ZC4H2: variants seen among roughly 807,000 people sequenced by gnomAD.
ZC4H2 encodes the protein zinc finger C4H2 domain-containing protein.
For missense variants in ZC4H2, 137 were observed against 173.9 expected, an observed-to-expected ratio of 0.79 and a Z score of 1.19; for synonymous variants, 84 against 66.3, an observed-to-expected ratio of 1.27 and a Z score of -1.30.
At chrX:65,003,832 G>C (rs762124533) in intron 1 of ZC4H2, among the ~76,000 whole-genome samples, 1 of 107,407 alleles carries the variant, frequency 9.3e-6, no homozygotes, top group Admixed American at 1.0e-4. Flanking sequence ...AACCAAGATC[G>C]CACCACTGCA....
chrX:65,007,318 A>G (rs953319030), intron 1 of ZC4H2, among the ~76,000 whole-genome samples: 2 of 111,761 alleles, frequency 1.8e-5, no homozygotes, highest in Non-Finnish European at 3.8e-5. Flanking sequence ...TGAAAAGCAG[A>G]TTGTCTCCCT....
chrX:64,921,992 C>T lies in ZC4H2; in HGVS notation c.54-4G>A, dbSNP rs758340526. The T allele has an allele frequency of 2.6e-5, 31 of 1,202,410 alleles. No homozygotes were observed. The South Asian group carries it at 4.7e-4, about 18-fold the overall frequency. The stretch of plus-strand genomic sequence containing the variant: ...CTCCATCTGCAGGGTCTTGTTCCTG[C>T]AATTTGCAAAAAGCAGGAAACAGGC... On this transcript the variant is annotated splice_region_variant and splice_polypyrimidine_tract_variant and intron_variant, in intron 1 of 4. Transcript: ENST00000374839.
At chrX:64,995,223 T>C (rs1932388733) in intron 1 of ZC4H2, among the ~76,000 whole-genome samples, 1 of 110,897 alleles carries the variant, frequency 9.0e-6, no homozygotes, top group South Asian at 3.9e-4. Flanking sequence ...ACTGTCAGAA[T>C]CAACTTCATC....
intron 1 of ZC4H2, among the ~76,000 whole-genome samples, chrX:64,962,361 C>A (rs1449465474): frequency 9.0e-6 from 1 of 111,086 alleles, no homozygotes; most frequent in African/African-American, 3.3e-5. Flanking sequence ...AATTCAACAC[C>A]CTTTCCTGAT....
chrX:64,997,427 T>A (rs764201422), intron 1 of ZC4H2, among the ~76,000 whole-genome samples: 11 of 112,123 alleles, frequency 9.8e-5, no homozygotes, highest in South Asian at 3.7e-4. Flanking sequence ...CTGGTAAAGG[T>A]AACCAAACAG....
chrX:64,942,135 C>G (rs1433394666), intron 1 of ZC4H2, among the ~76,000 whole-genome samples: 1 of 111,131 alleles, frequency 9.0e-6, no homozygotes, highest in East Asian at 2.8e-4. Flanking sequence ...GTGTTTGTGT[C>G]CAGAAATTTA....
intron 1 of ZC4H2, among the ~76,000 whole-genome samples, chrX:64,955,859 C>T (rs1591428): frequency 5.4e-5 from 6 of 111,850 alleles, no homozygotes; most frequent in Non-Finnish European, 7.5e-5. Flanking sequence ...AGACAAGAAG[C>T]TTTAACGGTA....
At chrX:64,982,169 C>A (rs1224577642) in intron 1 of ZC4H2, among the ~76,000 whole-genome samples, 1 of 111,783 alleles carries the variant, frequency 8.9e-6, no homozygotes, top group African/African-American at 3.3e-5. Context: ...TCCACACCCT[C>A]CCCTCTTCTT....
chrX:64,922,272 A>AT, intron 1 of ZC4H2: 1 of 290,252 alleles, frequency 3.4e-6, no homozygotes, highest in South Asian at 1.6e-4. Flanking sequence ...AAAAGAAAAA[A>AT]GAAAAAAAAA....
chrX:64,948,167 G>A (rs1408014899), intron 1 of ZC4H2, among the ~76,000 whole-genome samples: 1 of 111,049 alleles, frequency 9.0e-6, no homozygotes, highest in Non-Finnish European at 1.9e-5. Flanking sequence ...ATGGATTTGT[G>A]TTTTGAGCTC....
At chrX:64,922,071 T>C (rs1929222196) in intron 1 of ZC4H2, 83 bp from the exon 2 acceptor site, 4 of 1,146,334 alleles carry the variant, frequency 3.5e-6, no homozygotes, top group South Asian at 2.1e-5. Flanking sequence ...TTCTAAGCCA[T>C]CTTTACAAGC....
At chrX:64,938,138 C>A (rs1193498045) in intron 1 of ZC4H2, among the ~76,000 whole-genome samples, 3 of 112,100 alleles carry the variant, frequency 2.7e-5, no homozygotes, top group Non-Finnish European at 5.6e-5. Flanking sequence ...AAACTATCAT[C>A]AGAGAATACT....
At chrX:64,960,438 C>G (rs1405923160) in intron 1 of ZC4H2, among the ~76,000 whole-genome samples, 1 of 111,228 alleles carries the variant, frequency 9.0e-6, no homozygotes, top group Admixed American at 9.5e-5. Context: ...AAAATAACCA[C>G]CCAAAGGGGA....
At position 64,920,062 on chromosome X, in the gene ZC4H2, CT is replaced by C. The variant is rs1334217607; in HGVS notation, c.398+18del. Reference sequence around the variant, plus strand: ...TCGGAGGGAGGGTATGTTGTAGGGACTGGGGGCAGGTAGCTTACTCCAAGGA... The same window carrying C: ...TCGGAGGGAGGGTATGTTGTAGGGACGGGGGCAGGTAGCTTACTCCAAGGA... On this transcript the variant is annotated intron_variant, in intron 3 of 4. Transcript: ENST00000374839. 23 of 1,202,888 alleles carry C rather than the reference CT, an allele frequency of 1.9e-5. No homozygotes were observed. Among genetic ancestry groups the C allele is most frequent in the Non-Finnish European group, 2.6e-5 (23 of 892,243 alleles).
chrX:65,016,899 G>C lies in ZC4H2; in HGVS notation c.-272+17730C>G, dbSNP rs185617161. The stretch of plus-strand genomic sequence containing the variant: ...TTTGATGATCCCAGCAAAATGGAAG[G>C]AGGAGCAGCTGAGACCAAGGCTTTG... On this transcript the variant is annotated intron_variant, in intron 1 of 4. Transcript: ENST00000337990. 2.1e-4 allele frequency among the ~76,000 whole-genome samples: 23 copies of C among 111,984 alleles called. No homozygotes were observed. The Admixed American group carries it at 2.1e-3, about 10-fold the overall frequency.
intron 1 of ZC4H2, among the ~76,000 whole-genome samples, chrX:64,966,283 C>G (rs1025695098): frequency 2.7e-5 from 3 of 112,399 alleles, no homozygotes; most frequent in African/African-American, 6.5e-5. Flanking sequence ...GCTATAATGC[C>G]TTTTTGAGGC....
intron 3 of ZC4H2, 122 bp from the exon 4 acceptor site, chrX:64,919,326 C>G (rs953302881): frequency 5.3e-6 from 4 of 755,083 alleles, no homozygotes; most frequent in Non-Finnish European, 7.7e-6. Flanking sequence ...GGTCCCCACA[C>G]CTTCCCAAGC....
intron 1 of ZC4H2, among the ~76,000 whole-genome samples, chrX:64,948,307 C>T (rs956876115): frequency 9.0e-6 from 1 of 111,108 alleles, no homozygotes; most frequent in African/African-American, 3.3e-5. Flanking sequence ...GCTCTTACAC[C>T]TGACTGGGTC....
At chrX:64,953,102 G>C (rs908853162) in intron 1 of ZC4H2, among the ~76,000 whole-genome samples, 3 of 112,076 alleles carry the variant, frequency 2.7e-5, no homozygotes, top group African/African-American at 6.5e-5. Flanking sequence ...ATGGTGCTGG[G>C]AAAACTGGCT....
Sources: gnomAD v4.1 joint callset for allele counts (sites outside exome capture counted in the v4.1 genomes callset) on GRCh38, gnomAD v4.1.1 for gene constraint, MANE v1.5 for transcripts, NCBI Gene and HGNC (gene_info 2026-07-23, HGNC 2026-07-21) for gene names.